STOX1: variants seen among roughly 807,000 people sequenced by gnomAD.
STOX1 encodes storkhead box 1.
A neutral mutation model predicts 74.8 loss-of-function variants in STOX1; 57 were observed. That is an observed-to-expected ratio of 0.76 (90% confidence interval 0.62 to 0.95). STOX1 has a LOEUF of 0.95. STOX1 is among the 40% of genes least tolerant of loss of function. STOX1 has a pLI of 0.00. For missense variants in STOX1, 1,010 were observed against 1,117.0 expected (o/e 0.90, Z 1.37); for synonymous variants, 375 against 401.3 (o/e 0.93, Z 0.78).
At chr10:68,848,324 C>T (rs1839903307) in intron 1 of STOX1, among the ~76,000 whole-genome samples, 1 of 152,196 alleles carries the variant, frequency 6.6e-6, no homozygotes, top group African/African-American at 2.4e-5. Context: ...TCAGCCAGGT[C>T]AGGCACAACC....
At chr10:68,869,531 G>A (rs139870778) in intron 1 of STOX1, among the ~76,000 whole-genome samples, 22 of 152,214 alleles carry the variant, frequency 1.4e-4, no homozygotes, top group African/African-American at 4.8e-4. Flanking sequence ...ATTTTGAAAC[G>A]CTGAGGTATG....
intron 1 of STOX1, among the ~76,000 whole-genome samples, chr10:68,855,115 T>TA (rs1035287675): frequency 2.4e-5 from 2 of 84,196 alleles, no homozygotes; most frequent in Non-Finnish European, 4.6e-5. Flanking sequence ...GACTGTTTCT[T>TA]AAAAAAAAAT....
rs761842284 is a variant in STOX1, at chr10:68,886,267, T to A, written c.2471T>A (p.Leu824Gln). The A allele has an allele frequency of 4.3e-6, 7 of 1,614,206 alleles. No individual in the cohort carries two copies. Among genetic ancestry groups the A allele is most frequent in the Non-Finnish European group, 5.9e-6 (7 of 1,180,038 alleles). ...AACCTCTCTGCTGAAAGTTGTGGCCTAAATTCAGGGGCCCAGTTTGGTTTT... is the reference window on the plus strand; with the variant it reads ...AACCTCTCTGCTGAAAGTTGTGGCCAAAATTCAGGGGCCCAGTTTGGTTTT... ...EPNLSAESCG[L>Q]NSGAQFGFNY... The change falls in exon 3 of 4, where the codon CTA becomes CAA. Residue 824 changes from leucine (L) to glutamine (Q), a missense_variant. By Grantham distance (113) the Leu-to-Gln change is moderately radical (BLOSUM62 -2). Coordinates refer to ENST00000298596, the MANE Select transcript of STOX1 (RefSeq NM_152709.5).
At chr10:68,860,134 GGC>G (rs1840225421) in intron 1 of STOX1, among the ~76,000 whole-genome samples, 3 of 151,684 alleles carry the variant, frequency 2.0e-5, no homozygotes, top group Admixed American at 6.6e-5. Context: ...TTAGCATGGT[GGC>G]GGGTGCTTGT....
At chr10:68,840,475 G>A (rs1589216766) in intron 1 of STOX1, among the ~76,000 whole-genome samples, 2 of 152,152 alleles carry the variant, frequency 1.3e-5, no homozygotes, top group Admixed American at 1.3e-4. Context: ...GCCCAGGCTC[G>A]GCTCAAGTGC....
intron 1 of STOX1, among the ~76,000 whole-genome samples, chr10:68,861,415 A>G (rs35039752): frequency 0.23 from 34,822 of 152,078 alleles, 4,789 homozygotes; most frequent in African/African-American, 0.37. Flanking sequence ...GTGGTTTTCC[A>G]CCCTGGGTGG....
intron 1 of STOX1, among the ~76,000 whole-genome samples, chr10:68,866,333 G>T (rs889449558): frequency 6.6e-6 from 1 of 152,152 alleles, no homozygotes; most frequent in Admixed American, 6.6e-5. Context: ...GTAGAGAAAT[G>T]ATTGAAATGT....
At chr10:68,834,760 T>A (rs1002672444) in intron 1 of STOX1, among the ~76,000 whole-genome samples, 2 of 152,222 alleles carry the variant, frequency 1.3e-5, no homozygotes, top group Non-Finnish European at 2.9e-5. Context: ...AGTCTCACTC[T>A]GTCACCCAGG....
At chr10:68,832,626 T>G (rs913956592) in intron 1 of STOX1, among the ~76,000 whole-genome samples, 3 of 149,940 alleles carry the variant, frequency 2.0e-5, no homozygotes, top group African/African-American at 4.9e-5. Flanking sequence ...ATTGTGCCAC[T>G]GCATTCCAGC....
intron 1 of STOX1, among the ~76,000 whole-genome samples, chr10:68,829,861 CA>C (rs1198921789): frequency 3.3e-5 from 5 of 152,336 alleles, no homozygotes; most frequent in African/African-American, 1.2e-4. Flanking sequence ...CCAAAATCCT[CA>C]CGAGCGAAGA....
intron 1 of STOX1, among the ~76,000 whole-genome samples, chr10:68,876,107 G>T (rs73266484): frequency 0.054 from 7,441 of 138,924 alleles, 260 homozygotes; most frequent in African/African-American, 0.083. Flanking sequence ...GTTGCTTTCT[G>T]GTCTTTACCA....
chr10:68,846,119 TTTATTATTATTATTA>T (rs201726154), intron 1 of STOX1, among the ~76,000 whole-genome samples: 141 of 135,834 alleles, frequency 1.0e-3, no homozygotes, highest in African/African-American at 2.7e-3. Flanking sequence ...GCTTGAGGTT[TTTATTATTATTATTA>T]TTATTATTAT....
intron 1 of STOX1, among the ~76,000 whole-genome samples, chr10:68,842,037 T>C (rs1465202667): frequency 6.6e-6 from 1 of 152,094 alleles, no homozygotes; most frequent in Non-Finnish European, 1.5e-5. Context: ...GAAAGAACAC[T>C]AGACATGAAG....
At chr10:68,834,442 G>A (rs1839490756) in intron 1 of STOX1, among the ~76,000 whole-genome samples, 1 of 151,996 alleles carries the variant, frequency 6.6e-6, no homozygotes, top group South Asian at 2.1e-4. Context: ...GAAAGGGAGT[G>A]GTCTGATTCC....
intron 1 of STOX1, among the ~76,000 whole-genome samples, chr10:68,850,589 A>G (rs887469187): frequency 2.6e-5 from 4 of 152,214 alleles, no homozygotes; most frequent in Admixed American, 1.3e-4. Context: ...CTTTCATCCC[A>G]CACAATGGAT....
intron 1 of STOX1, among the ~76,000 whole-genome samples, chr10:68,879,591 A>T (rs1840760017): frequency 6.6e-6 from 1 of 152,142 alleles, no homozygotes; most frequent in Non-Finnish European, 1.5e-5. Context: ...CCAAAGGGAC[A>T]CAGATCTTAT....
intron 1 of STOX1, among the ~76,000 whole-genome samples, chr10:68,839,034 T>G (rs1839630220): frequency 6.6e-6 from 1 of 152,228 alleles, no homozygotes; most frequent in Non-Finnish European, 1.5e-5. Context: ...ATATGACCTT[T>G]GTTGTGTTGA....
At chr10:68,829,143 C>A (rs1391481003) in intron 1 of STOX1, 2 of 280,934 alleles carry the variant, frequency 7.1e-6, no homozygotes, top group Non-Finnish European at 1.1e-5. Context: ...GTCCATAAAT[C>A]ATCCTCTTCC....
chr10:68,833,903 C>G (rs1839476402), intron 1 of STOX1, among the ~76,000 whole-genome samples: 1 of 152,224 alleles, frequency 6.6e-6, no homozygotes, highest in South Asian at 2.1e-4. Context: ...TTTGCCTCTG[C>G]TCAAGGGAAA....
Sources: gnomAD v4.1 joint callset for allele counts (sites outside exome capture counted in the v4.1 genomes callset) on GRCh38, gnomAD v4.1.1 for gene constraint, MANE v1.5 for transcripts, NCBI Gene and HGNC (gene_info 2026-07-23, HGNC 2026-07-21) for gene names.